The following SPTBN5 variants were observed in gnomAD, a reference collection of about 807,000 sequenced individuals.
SPTBN5 encodes spectrin beta chain, non-erythrocytic 5.
In SPTBN5, 513 loss-of-function variants were observed where a neutral mutation model predicts 477.6. That is an observed-to-expected ratio of 1.07 (90% CI 1.00 to 1.16). SPTBN5 has a LOEUF of 1.16. Ranked by LOEUF, SPTBN5 falls within the 50% of genes most tolerant of loss-of-function variation. The pLI, the probability that SPTBN5 is intolerant of heterozygous loss-of-function variation, is 0.00. For missense variants in SPTBN5, 5,062 were observed against 4,731.8 expected (o/e 1.07, Z -2.05); for synonymous variants, 2,169 against 2,011.7 (o/e 1.08, Z -2.09).
chr15:41,858,580 C>A, intron 49 of SPTBN5, 22 bp downstream of exon 49: 4 of 1,604,860 alleles, frequency 2.5e-6, no homozygotes, highest in South Asian at 1.1e-5. Flanking sequence ...GTCCCACCAC[C>A]CTCCTGCCTG....
intron 45 of SPTBN5, 86 bp downstream of exon 45, chr15:41,861,649 G>T: frequency 6.6e-7 from 1 of 1,505,116 alleles, no homozygotes; most frequent in Non-Finnish European, 8.9e-7. Flanking sequence ...AGCCCCTCCA[G>T]TCTTAGCCTT....
chr15:41,875,175 C>T (rs1011325165), intron 22 of SPTBN5, 119 bp from the exon 23 acceptor site: 5 of 988,306 alleles, frequency 5.1e-6, no homozygotes, highest in South Asian at 1.7e-5. Context: ...TCTGTCCCCA[C>T]CACTGCCAAC....
At chr15:41,878,257 C>A in intron 17 of SPTBN5, 85 bp downstream of exon 17, 1 of 1,489,418 alleles carries the variant, frequency 6.7e-7, no homozygotes. Context: ...ACACTACTTC[C>A]CGCATGCTCT....
chr15:41,875,039 C>G lies in SPTBN5; in HGVS notation c.4305G>C (p.Leu1435=). ...LRQLQDAKEQ[L]EQLEGALQSS... is the part of the protein sequence containing the mutation. ...TCTGTAGGGCCCCTTCGAGCTGCTC[C>G]AGCTGCTCCTTTGCATCCTGGGAGG... The change falls in exon 23 of 68, where the codon CTG becomes CTC. Residue 1435 remains leucine, a synonymous_variant. Transcript: ENST00000320955. 6.2e-7 allele frequency: 1 copy of G among 1,612,182 alleles called. No homozygotes were observed. Among genetic ancestry groups the G allele is most frequent in the Non-Finnish European group, 8.5e-7 (1 of 1,179,020 alleles).
chr15:41,868,720 T>C, intron 32 of SPTBN5, 119 bp from the exon 33 acceptor site: 4 of 961,568 alleles, frequency 4.2e-6, no homozygotes, highest in Non-Finnish European at 6.3e-6. Flanking sequence ...CCGACCTGGG[T>C]CAGGGCCTCG....
Position 41,854,865 on chromosome 15 carries a change from G to C in SPTBN5, c.9535C>G (p.Arg3179Gly). The change falls in exon 56 of 68, where the codon CGC becomes GGC. Residue 3179 changes from arginine (R) to glycine (G), a missense_variant. Arg to Gly is a moderately radical substitution (Grantham distance 125). Coordinates refer to ENST00000320955, the MANE Select transcript of SPTBN5 (RefSeq NM_016642.4). ...AGTLERGAPR[R>G]YPHIQAQRSR... Reference sequence around the variant, plus strand: ...CTCTGGGCTTGGATGTGGGGATAGCGCCTGGGTGCACCCCGCTCCAGGGTG... The same window carrying C: ...CTCTGGGCTTGGATGTGGGGATAGCCCCTGGGTGCACCCCGCTCCAGGGTG... The C allele has an allele frequency of 1.2e-6, 2 of 1,609,504 alleles. No homozygotes were observed. The highest frequency in any genetic ancestry group is 2.2e-5 in the South Asian group (2 of 90,622).
rs1159389788 is a variant in SPTBN5, at chr15:41,856,530, C to T, written c.8877G>A (p.Leu2959=). 4 of 1,602,114 alleles carry T rather than the reference C, an allele frequency of 2.5e-6. No homozygotes were observed. The highest frequency in any genetic ancestry group is 2.6e-6 in the Non-Finnish European group (3 of 1,176,122). ...TRVVLGTGYK[L]VQAGHFAAHE... ...GGGCGGCAAAGTGCCCAGCCTGCAC[C>T]AGCTTGTACCCAGTGCCCAGCACCA... is the stretch of plus-strand genomic sequence containing the variant. Residue 2959 remains leucine, a synonymous_variant, in exon 53 of 68, where the codon CTG becomes CTA. Coordinates refer to ENST00000320955, the MANE Select transcript of SPTBN5 (RefSeq NM_016642.4).
At position 41,893,412 on chromosome 15, in the gene SPTBN5, G is replaced by A. The variant is rs371676309; in HGVS notation, c.86C>T (p.Pro29Leu). Residue 29 changes from proline to leucine, a missense_variant, in exon 2 of 68, where the codon CCG (proline) becomes CTG (leucine). Physicochemically the swap from Pro to Leu is moderately conservative, Grantham distance 98. Coordinates refer to ENST00000320955, the MANE Select transcript of SPTBN5 (RefSeq NM_016642.4). Reference sequence around the variant, plus strand: ...GTCCATGGTGAGACTTGGACTGGGCGGGACCCGGAGTTCTGTGCTGGGCCT... The same window carrying A: ...GTCCATGGTGAGACTTGGACTGGGCAGGACCCGGAGTTCTGTGCTGGGCCT... ...SRRPSTELRV[P>L]PSPSLTMDSQ... The A allele has an allele frequency of 2.8e-5, 45 of 1,613,262 alleles. No individual in the cohort carries two copies. In the African/African-American group the frequency reaches 3.6e-4, roughly 13 times the overall value.
In SPTBN5 at chr15:41,856,994, C is replaced by T. The variant is rs758096328; in HGVS notation, c.8667G>A (p.Leu2889=). Reference sequence around the variant, plus strand: ...ACTTCAAGAGGAGGCTCCGGGCCTCCAGGGCCGTCCTGCGCTCCTGCAGGG... The same window carrying T: ...ACTTCAAGAGGAGGCTCCGGGCCTCTAGGGCCGTCCTGCGCTCCTGCAGGG... ...REPLQERRTA[L]EARSLLLKFF... The change falls in exon 52 of 68, where the codon CTG becomes CTA. Residue 2889 remains leucine (L), a synonymous_variant. Transcript: ENST00000320955. 6.2e-7 allele frequency: 1 copy of T among 1,604,226 alleles called. No individual in the cohort carries two copies. The highest frequency in any genetic ancestry group is 8.5e-7 in the Non-Finnish European group (1 of 1,176,204).
chr15:41,861,700 G>A, intron 45 of SPTBN5, 35 bp downstream of exon 45: 1 of 1,521,910 alleles, frequency 6.6e-7, no homozygotes, highest in Non-Finnish European at 8.8e-7. Flanking sequence ...TGTTCGGGGG[G>A]GCAAGATGCA....
At position 41,860,618 on chromosome 15, in the gene SPTBN5, A is replaced by T; in HGVS notation, c.7956T>A (p.Ser2652Arg). ...GCATGGCCTGGCACCTGCCCAGGGC[A>T]CTCTGGGCCTCGGGGTGCCCACCCT... ...LHQGGHPEAQSALGRCQAMLL... is the reference protein window; with the variant it reads ...LHQGGHPEAQRALGRCQAMLL... Residue 2652 changes from serine (S) to arginine (R), a missense_variant, in exon 47 of 68, where the codon AGT (serine) becomes AGA (arginine). Ser to Arg is a moderately radical substitution (Grantham distance 110). Transcript: ENST00000320955. The T allele has an allele frequency of 1.3e-6, 2 of 1,515,498 alleles. No homozygotes were observed. Among genetic ancestry groups the T allele is most frequent in the South Asian group, 2.6e-5 (2 of 77,628 alleles). The allele number at this position is 1,515,498 out of a possible 1,614,324, so 93.9% of individuals were successfully genotyped here.
In SPTBN5 at chr15:41,862,878, C is replaced by T; in HGVS notation, c.7175G>A (p.Cys2392Tyr). Residue 2392 changes from cysteine to tyrosine, a missense_variant, in exon 42 of 68, where the codon TGT becomes TAT. Physicochemically the swap from Cys to Tyr is radical, Grantham distance 194. Coordinates refer to ENST00000320955, the MANE Select transcript of SPTBN5 (RefSeq NM_016642.4). ...CTGCACGCTCTCCAGATCTTTCCCACAGTCCAGGGCCTGGATCAGGGCTTC... is the reference window on the plus strand; with the variant it reads ...CTGCACGCTCTCCAGATCTTTCCCATAGTCCAGGGCCTGGATCAGGGCTTC... ...EKEALIQALDCGKDLESVQRL... is the reference protein window; with the variant it reads ...EKEALIQALDYGKDLESVQRL... The T allele has an allele frequency of 6.3e-7, 1 of 1,585,802 alleles. No homozygotes were observed. Among genetic ancestry groups the T allele is most frequent in the Non-Finnish European group, 8.6e-7 (1 of 1,166,678 alleles).
chr15:41,889,418 A>G (rs568776441), intron 4 of SPTBN5, among the ~76,000 whole-genome samples: 1 of 146,024 alleles, frequency 6.8e-6, no homozygotes, highest in East Asian at 2.0e-4. Context: ...AACTATAAGG[A>G]CTCTTTCTTT....
chr15:41,867,734 C>T (rs1239787276), intron 34 of SPTBN5, 92 bp from the exon 35 acceptor site: 31 of 1,246,628 alleles, frequency 2.5e-5, no homozygotes, highest in Non-Finnish European at 3.6e-5. Context: ...CTGGGTATGG[C>T]AGGGCCTTAG....
At position 41,885,788 on chromosome 15, in the gene SPTBN5, G is replaced by A. The variant is rs151192788; in HGVS notation, c.1467C>T (p.Ile489=). 5.7e-3 allele frequency: 8,814 copies of A among 1,558,210 alleles called. 53 individuals carry two copies. The highest frequency in any genetic ancestry group is 0.012 in the South Asian group (985 of 84,516). The change falls in exon 7 of 68, where the codon ATC becomes ATT. Residue 489 remains isoleucine (I), a synonymous_variant. Coordinates refer to ENST00000320955, the MANE Select transcript of SPTBN5 (RefSeq NM_016642.4). ...QEGRFQALAE[I]ADILRQEQYH... ...ACTGCTCCTGCCGGAGGATGTCTGCGATCTCAGCCAGGGCCTGGAAGCGCC... is the reference window on the plus strand; with the variant it reads ...ACTGCTCCTGCCGGAGGATGTCTGCAATCTCAGCCAGGGCCTGGAAGCGCC...
intron 31 of SPTBN5, 92 bp downstream of exon 31, chr15:41,870,151 C>CCT: frequency 6.8e-7 from 1 of 1,475,992 alleles, no homozygotes; most frequent in African/African-American, 1.4e-5. Flanking sequence ...CATGGGAGGC[C>CCT]CTGAGGGACA....
In SPTBN5 at chr15:41,867,079, C is replaced by T. The variant is rs1233045041; in HGVS notation, c.6360G>A (p.Val2120=). Residue 2120 remains valine, a synonymous_variant, in exon 36 of 68, where the codon GTG becomes GTA. Transcript: ENST00000320955. ...GCAGCAGGATGGGAAGCCGGTCCCG[C>T]ACCCGGGGGCGCCGGAGCGTCTTCA... The part of the protein sequence containing the change: ...ERLKTLRRPR[V]RDRLPILLQR... 6.5e-7 allele frequency: 1 copy of T among 1,546,938 alleles called. No homozygotes were observed. Among genetic ancestry groups the T allele is most frequent in the Non-Finnish European group, 8.7e-7 (1 of 1,147,282 alleles).
chr15:41,860,510 G>C (rs1280666739), intron 47 of SPTBN5, 76 bp downstream of exon 47: 1 of 1,313,268 alleles, frequency 7.6e-7, no homozygotes, highest in African/African-American at 1.5e-5. Flanking sequence ...GTGGAAGGGT[G>C]GGAAGGGAAG....
At position 41,850,888 on chromosome 15, in the gene SPTBN5, A is replaced by G. The variant is rs1261825823; in HGVS notation, c.10887T>C (p.Ala3629=). 1.2e-6 allele frequency: 2 copies of G among 1,604,340 alleles called. No homozygotes were observed. The highest frequency in any genetic ancestry group is 2.2e-5 in the East Asian group (1 of 44,460). The part of the protein sequence containing the change: ...ILFAAPSEEQ[A]ESWWRALGST... ...TGCCCAGGGCTCGCCACCAGCTCTC[A>G]GCCTGCTCTTCGGACGGTGCTGCAA... The change falls in exon 66 of 68, where the codon GCT becomes GCC. Residue 3629 remains alanine, a synonymous_variant. Transcript: ENST00000320955.
Sources: gnomAD v4.1 joint callset for allele counts (sites outside exome capture counted in the v4.1 genomes callset) on GRCh38, gnomAD v4.1.1 for gene constraint, MANE v1.5 for transcripts, NCBI Gene and HGNC (gene_info 2026-07-23, HGNC 2026-07-21) for gene names.